The following EVC variants were observed in gnomAD, a reference collection of about 807,000 sequenced individuals.
EVC encodes evC complex member EVC.
In EVC, 116 loss-of-function variants were observed where a neutral mutation model predicts 118.9. The observed-to-expected ratio is 0.98, with a 90% CI of 0.84 to 1.14. The LOEUF is 1.14. Among genes scored for constraint, EVC ranks in the 50% most tolerant of loss-of-function variants. The pLI is 0.00. For synonymous variants in EVC, 619 were observed against 534.7 expected, an observed-to-expected ratio of 1.16 and a Z score of -2.18; for missense variants, 1,401 against 1,246.4, an observed-to-expected ratio of 1.12 and a Z score of -1.87.
chr4:5,794,267 ATT>A (rs1713379079), intron 13 of EVC, among the ~76,000 whole-genome samples: 1 of 139,440 alleles, frequency 7.2e-6, no homozygotes, highest in African/African-American at 2.7e-5. Flanking sequence ...GTATTTATAT[ATT>A]TATATATATT....
At chr4:5,822,571 C>T in the EVC span, among the ~76,000 whole-genome samples, 1 of 151,978 alleles carries the variant, frequency 6.6e-6, no homozygotes, top group South Asian at 2.1e-4. Context: ...TACCTATTCT[C>T]TTGCATAAAG....
chr4:5,821,694 C>G, the EVC span: 3 of 1,464,274 alleles, frequency 2.0e-6, no homozygotes, highest in Admixed American at 2.0e-5. The surrounding 1 kb of genome is among the most constrained non-coding windows in gnomAD (Gnocchi z 4.4). Context: ...TTCAAAAACA[C>G]TGACAGGAAA....
intron 2 of EVC, among the ~76,000 whole-genome samples, chr4:5,723,733 G>A (rs1474687629): frequency 6.6e-6 from 1 of 152,120 alleles, no homozygotes; most frequent in Non-Finnish European, 1.5e-5. Flanking sequence ...GAGGTCACAG[G>A]GACCACGCTC....
chr4:5,727,594 A>G (rs2151907487), intron 2 of EVC, among the ~76,000 whole-genome samples: 1 of 151,916 alleles, frequency 6.6e-6, no homozygotes, highest in East Asian at 1.9e-4. Flanking sequence ...CCATTTGTCA[A>G]TTTTGGCTTT....
intron 2 of EVC, among the ~76,000 whole-genome samples, chr4:5,724,251 T>C (rs1725440752): frequency 1.3e-5 from 2 of 152,192 alleles, no homozygotes; most frequent in African/African-American, 4.8e-5. Context: ...TCAGGGTAAA[T>C]ACGCTGGAGG....
rs775097507 is a variant in EVC at position 5,797,197 on chromosome 4, C to A, written c.2062C>A (p.Leu688Met). 3.7e-6 allele frequency: 6 copies of A among 1,612,434 alleles called. No individual in the cohort carries two copies. The Admixed American group carries it at 8.3e-5, about 22-fold the overall frequency. Residue 688 changes from leucine to methionine, a missense_variant, in exon 14 of 21, where the codon CTG (leucine) becomes ATG (methionine). By Grantham distance (15) the Leu-to-Met change is conservative (BLOSUM62 2). Coordinates refer to ENST00000264956, the MANE Select transcript of EVC (RefSeq NM_153717.3). ...ACTGGAGCAGGGGTCCTCCCAGTGC[C>A]TGGACGAGCATCAGTGGCAGCTGCT... ...RALEQGSSQC[L>M]DEHQWQLLRA...
chr4:5,714,112 ACT>A (rs1470603250), intron 1 of EVC, among the ~76,000 whole-genome samples: 4 of 151,466 alleles, frequency 2.6e-5, no homozygotes, highest in African/African-American at 9.7e-5. Context: ...CCTTTCTTAG[ACT>A]CTATCCTGCT....
intron 5 of EVC, among the ~76,000 whole-genome samples, chr4:5,735,793 T>G (rs1727572471): frequency 6.6e-6 from 1 of 152,042 alleles, no homozygotes; most frequent in African/African-American, 2.4e-5. Flanking sequence ...ACCCTGCATG[T>G]TAAAGGTGCT....
intron 11 of EVC, among the ~76,000 whole-genome samples, chr4:5,771,057 T>G (rs911491192): frequency 1.3e-5 from 2 of 152,036 alleles, no homozygotes; most frequent in South Asian, 4.2e-4. Context: ...AGCTAAACAA[T>G]TGTCATTCTG....
chr4:5,772,523 G>A (rs985367157), intron 11 of EVC, among the ~76,000 whole-genome samples: 3 of 152,028 alleles, frequency 2.0e-5, no homozygotes, highest in African/African-American at 4.8e-5. Context: ...AATGCCTCCT[G>A]TTGTTCTCAA....
At position 5,797,168 on chromosome 4, in the gene EVC, G is replaced by A. The variant is rs750496555; in HGVS notation, c.2033G>A (p.Arg678His). Reference sequence around the variant, plus strand: ...CTCCTGCAGGAGCTGCGGGAACAGCGTGCACTGGAGCAGGGGTCCTCCCAG... The same window carrying A: ...CTCCTGCAGGAGCTGCGGGAACAGCATGCACTGGAGCAGGGGTCCTCCCAG... Reference protein sequence around the residue: ...KHLLQELREQRALEQGSSQCL... With the variant: ...KHLLQELREQHALEQGSSQCL... Residue 678 changes from arginine (R) to histidine (H), a missense_variant, in exon 14 of 21, where the codon CGT becomes CAT. Physicochemically the swap from Arg to His is conservative, Grantham distance 29. Coordinates refer to ENST00000264956, the MANE Select transcript of EVC (RefSeq NM_153717.3). 1.5e-5 allele frequency: 24 copies of A among 1,613,496 alleles called. No individual in the cohort carries two copies. The highest frequency in any genetic ancestry group is 5.5e-5 in the South Asian group (5 of 91,072).
rs1220295723 is a variant in EVC at position 5,756,914 on chromosome 4, T to G, written c.1563+552T>G. Reference sequence around the variant, plus strand: ...GCCATGCTGAGCCAGACAGAGCCCCTGCCTCAGGCAGCATCCTCAGTTGTT... The same window carrying G: ...GCCATGCTGAGCCAGACAGAGCCCCGGCCTCAGGCAGCATCCTCAGTTGTT... On this transcript the variant is annotated intron_variant, in intron 11 of 20. Coordinates refer to ENST00000264956, the MANE Select transcript of EVC (RefSeq NM_153717.3). The surrounding 1 kb of genome is among the most constrained non-coding windows in gnomAD (Gnocchi z 4.2). Among the ~76,000 whole-genome samples, 1 of 152,134 alleles carries G rather than the reference T, an allele frequency of 6.6e-6. No individual in the cohort carries two copies. Among genetic ancestry groups the G allele is most frequent in the Non-Finnish European group, 1.5e-5 (1 of 68,012 alleles).
Position 5,738,933 on chromosome 4 carries a change from T to G in EVC, c.703-2783T>G, listed in dbSNP as rs1370447336. ...TTAGCATTTTTTAGGAAGAAGTTAT[T>G]TTTAAAATTAAGGTATGTACTTTTT... On this transcript the variant is annotated intron_variant, in intron 5 of 20. Coordinates refer to ENST00000264956, the MANE Select transcript of EVC (RefSeq NM_153717.3). The surrounding 1 kb of genome is among the most constrained non-coding windows in gnomAD (Gnocchi z 6.5). Among the ~76,000 whole-genome samples the G allele has an allele frequency of 6.6e-6, 1 of 152,156 alleles. No individual in the cohort carries two copies. Among genetic ancestry groups the G allele is most frequent in the Middle Eastern group, 3.2e-3 (1 of 316 alleles).
chr4:5,717,912 A>G (rs758806568), intron 1 of EVC, among the ~76,000 whole-genome samples: 1 of 152,192 alleles, frequency 6.6e-6, no homozygotes, highest in Non-Finnish European at 1.5e-5. Context: ...TGCAATGTCA[A>G]TGCCACAAAA....
In EVC at chr4:5,754,537, G is replaced by A. The variant is rs925479684; in HGVS notation, c.1464+604G>A. On this transcript the variant is annotated intron_variant, in intron 10 of 20. Transcript: ENST00000264956. The surrounding 1 kb of genome is among the most constrained non-coding windows in gnomAD (Gnocchi z 5.8). ...GTGCAGGCTCTAAGGACCTGGACTC[G>A]CCAGTTCTCAGAGAGACCACCGAGC... Among the ~76,000 whole-genome samples, 2 of 152,018 alleles carry A rather than the reference G, an allele frequency of 1.3e-5. No individual in the cohort carries two copies. Among genetic ancestry groups the A allele is most frequent in the South Asian group, 2.1e-4 (1 of 4,806 alleles).
In EVC at chr4:5,783,788, G is replaced by T. The variant is rs1407922426; in HGVS notation, c.1776+24G>T. The T allele has an allele frequency of 1.9e-6, 3 of 1,584,314 alleles. No homozygotes were observed. The South Asian group carries it at 3.4e-5, about 18-fold the overall frequency. On this transcript the variant is annotated intron_variant, in intron 12 of 20. Coordinates refer to ENST00000264956, the MANE Select transcript of EVC (RefSeq NM_153717.3). ...AGGTGCGGGCATTTGGGAACCCAGG[G>T]GCTGGGGTCTGCATTTTAGAAACAC...
chr4:5,760,733 G>A (rs1321055650), intron 11 of EVC, among the ~76,000 whole-genome samples: 1 of 152,056 alleles, frequency 6.6e-6, no homozygotes, highest in African/African-American at 2.4e-5. Context: ...TGTATTTTTA[G>A]TAGAGGCAGG....
At position 5,783,533 on chromosome 4, in the gene EVC, C is replaced by A. The variant is rs1298740915; in HGVS notation, c.1564-19C>A. 3 of 1,613,664 alleles carry A rather than the reference C, an allele frequency of 1.9e-6. No individual in the cohort carries two copies. The highest frequency in any genetic ancestry group is 2.5e-6 in the Non-Finnish European group (3 of 1,179,600). ...GTCCTGCCGTGACCTGTAACCCCATCTGTGGTTCTCCGCTCCAGGAGCTGT... is the reference window on the plus strand; with the variant it reads ...GTCCTGCCGTGACCTGTAACCCCATATGTGGTTCTCCGCTCCAGGAGCTGT... On this transcript the variant is annotated intron_variant, in intron 11 of 20. Coordinates refer to ENST00000264956, the MANE Select transcript of EVC (RefSeq NM_153717.3).
In EVC at chr4:5,742,368, T is replaced by C. The variant is rs548789686; in HGVS notation, c.801+554T>C. Among the ~76,000 whole-genome samples the C allele has an allele frequency of 2.6e-5, 4 of 152,318 alleles. No homozygotes were observed. The East Asian group carries it at 5.8e-4, about 22-fold the overall frequency. ...CACCTAGCAATGTCATAGTTGGCTGTGAATATGTGATGGCTGCTGTCATCC... is the reference window on the plus strand; with the variant it reads ...CACCTAGCAATGTCATAGTTGGCTGCGAATATGTGATGGCTGCTGTCATCC... On this transcript the variant is annotated intron_variant, in intron 6 of 20. Coordinates refer to ENST00000264956, the MANE Select transcript of EVC (RefSeq NM_153717.3). The surrounding 1 kb of genome is among the most constrained non-coding windows in gnomAD (Gnocchi z 5.2).
Sources: allele counts gnomAD v4.1 joint callset (sites outside exome capture counted in the v4.1 genomes callset), GRCh38; gene constraint gnomAD v4.1.1; non-coding constraint Gnocchi (gnomAD v3.1); transcripts MANE v1.5; gene names NCBI Gene and HGNC (gene_info 2026-07-23, HGNC 2026-07-21).